The following TMTC2 variants were observed in gnomAD, a reference collection of about 807,000 sequenced individuals.
The protein encoded by TMTC2 is transmembrane O-mannosyltransferase targeting cadherins 2.
TMTC2 carries 43 observed loss-of-function variants against 82.4 expected under a neutral mutation model. That is an observed-to-expected ratio of 0.52 (90% CI 0.41 to 0.67). The LOEUF is 0.67. Among genes scored for constraint, TMTC2 ranks in the 30% least tolerant of loss-of-function variants. The pLI is 0.00. For missense variants in TMTC2, 919 were observed against 1,012.4 expected (o/e 0.91, Z 1.25); for synonymous variants, 408 against 381.9 (o/e 1.07, Z -0.80).
At chr12:82,982,427 T>C (rs1201672119) in intron 7 of TMTC2, among the ~76,000 whole-genome samples, 1 of 131,732 alleles carries the variant, frequency 7.6e-6, no homozygotes, top group Non-Finnish European at 1.6e-5. Context: ...ACATATTTAA[T>C]TTATCCATAA....
chr12:83,015,226 G>A (rs115153945), intron 8 of TMTC2, among the ~76,000 whole-genome samples: 3,378 of 152,254 alleles, frequency 0.022, 132 homozygotes, highest in African/African-American at 0.076. Context: ...ACCCCAATGT[G>A]TACACGAATA....
chr12:82,861,360 A>G (rs1422466503), intron 2 of TMTC2, among the ~76,000 whole-genome samples: 1 of 152,196 alleles, frequency 6.6e-6, no homozygotes, highest in African/African-American at 2.4e-5. Flanking sequence ...TAACAACCCC[A>G]TACTTCCAAA....
chr12:82,805,735 G>A (rs1879215696), intron 1 of TMTC2, among the ~76,000 whole-genome samples: 1 of 151,808 alleles, frequency 6.6e-6, no homozygotes, highest in East Asian at 1.9e-4. Flanking sequence ...TCGATCTCCT[G>A]ACCTTGTGAT....
At chr12:83,011,566 G>A (rs1286727713) in intron 8 of TMTC2, among the ~76,000 whole-genome samples, 1 of 152,138 alleles carries the variant, frequency 6.6e-6, no homozygotes, top group East Asian at 1.9e-4. Flanking sequence ...TACTCGTTCA[G>A]CCTTATCAAC....
At chr12:82,820,686 T>C (rs1372826637) in intron 1 of TMTC2, among the ~76,000 whole-genome samples, 1 of 152,170 alleles carries the variant, frequency 6.6e-6, no homozygotes, top group Non-Finnish European at 1.5e-5. Flanking sequence ...GGAAACTGTA[T>C]TTCTATGTTA....
chr12:82,687,205 C>G lies in TMTC2; in HGVS notation c.-382C>G, dbSNP rs894004709. On this transcript the variant is annotated 5_prime_UTR_variant, in exon 1 of 12. Transcript: ENST00000321196. ...TCTGCCCCCATCCCGCACCCTTCCA[C>G]CTCCTCCGAGTCCCACTCCTCACCT... 1.1e-5 allele frequency: 3 copies of G among 271,542 alleles called. No homozygotes were observed. Among genetic ancestry groups the G allele is most frequent in the Non-Finnish European group, 2.2e-5 (3 of 138,676 alleles). The allele number at this position is 271,542 out of a possible 1,614,324, so 16.8% of individuals were successfully genotyped here.
intron 1 of TMTC2, among the ~76,000 whole-genome samples, chr12:82,698,470 T>C (rs1484851710): frequency 1.3e-5 from 2 of 152,212 alleles, no homozygotes; most frequent in African/African-American, 2.4e-5. Flanking sequence ...CATGGTTATA[T>C]ACTTAGCTGT....
Position 82,857,195 on chromosome 12 carries a change from T to C in TMTC2, c.269T>C (p.Val90Ala). ...TTGAATCCCTGGAGCTACCATCTTGTCAATGTCCTGTTGCATGCAGCAGTC... is the reference window on the plus strand; with the variant it reads ...TTGAATCCCTGGAGCTACCATCTTGCCAATGTCCTGTTGCATGCAGCAGTC... ...GGLNPWSYHLVNVLLHAAVTG... is the reference protein window; with the variant it reads ...GGLNPWSYHLANVLLHAAVTG... Residue 90 changes from valine to alanine, a missense_variant, in exon 2 of 12, where the codon GTC becomes GCC. Transcript: ENST00000321196. 1 of 1,614,164 alleles carries C rather than the reference T, an allele frequency of 6.2e-7. No individual in the cohort carries two copies. The highest frequency in any genetic ancestry group is 8.5e-7 in the Non-Finnish European group (1 of 1,180,036).
intron 4 of TMTC2, among the ~76,000 whole-genome samples, chr12:82,952,680 G>A (rs1877409527): frequency 6.6e-6 from 1 of 152,060 alleles, no homozygotes; most frequent in African/African-American, 2.4e-5. Context: ...CTAGTAGCTG[G>A]AACTACAAGC....
At chr12:82,808,829 G>A (rs187267075) in intron 1 of TMTC2, among the ~76,000 whole-genome samples, 212 of 151,952 alleles carry the variant, frequency 1.4e-3, no homozygotes, top group African/African-American at 5.0e-3. Context: ...ACATTTTAAT[G>A]TATAGATTTT....
chr12:82,812,801 A>G (rs1483181711), intron 1 of TMTC2, among the ~76,000 whole-genome samples: 1 of 151,942 alleles, frequency 6.6e-6, no homozygotes, highest in Admixed American at 6.6e-5. Flanking sequence ...ATAATTAACT[A>G]TTTTTTAATG....
intron 1 of TMTC2, among the ~76,000 whole-genome samples, chr12:82,722,566 CAAAAAAA>C (rs772607761): frequency 2.3e-5 from 1 of 44,396 alleles, no homozygotes; most frequent in African/African-American, 1.0e-4. Flanking sequence ...GACTCCATCT[CAAAAAAA>C]AAAAAAAAAA....
Position 82,713,146 on chromosome 12 carries a change from C to G in TMTC2, c.83+25477C>G, listed in dbSNP as rs909575757. On this transcript the variant is annotated intron_variant, in intron 1 of 11. Coordinates refer to ENST00000321196, the MANE Select transcript of TMTC2 (RefSeq NM_152588.3). ...ACCAGCGTGACCAACATGGTGAAAC[C>G]CCGTCTCTACTAGAAAGACAAAAGA... 2.0e-5 allele frequency among the ~76,000 whole-genome samples: 3 copies of G among 152,038 alleles called. No individual in the cohort carries two copies. In the South Asian group the frequency reaches 6.3e-4, roughly 32 times the overall value.
At chr12:82,742,427 A>G (rs1468591032) in intron 1 of TMTC2, among the ~76,000 whole-genome samples, 3 of 152,106 alleles carry the variant, frequency 2.0e-5, no homozygotes. Flanking sequence ...GTAGCTAGGA[A>G]CAGGTAGTAA....
At chr12:82,869,482 A>G (rs1215726038) in intron 2 of TMTC2, among the ~76,000 whole-genome samples, 6 of 152,128 alleles carry the variant, frequency 3.9e-5, no homozygotes, top group African/African-American at 1.4e-4. Flanking sequence ...AAAAACACCA[A>G]TATTTTTATA....
intron 8 of TMTC2, among the ~76,000 whole-genome samples, chr12:83,020,643 A>G (rs1880875350): frequency 7.0e-6 from 1 of 142,136 alleles, no homozygotes; most frequent in Non-Finnish European, 1.5e-5. Flanking sequence ...TTTTCCCTCT[A>G]CTTTGAGCTT....
At chr12:83,091,069 C>T (rs185232773) in intron 11 of TMTC2, among the ~76,000 whole-genome samples, 3 of 152,288 alleles carry the variant, frequency 2.0e-5, no homozygotes, top group East Asian at 3.9e-4. Flanking sequence ...TCTGTCTAAA[C>T]GTGCTTTGTT....
intron 1 of TMTC2, among the ~76,000 whole-genome samples, chr12:82,821,843 G>A (rs907187493): frequency 6.9e-6 from 1 of 144,300 alleles, no homozygotes; most frequent in East Asian, 2.0e-4. Flanking sequence ...CCGAGATCGC[G>A]CCACTACACT....
chr12:83,006,653 C>T (rs7305627), intron 8 of TMTC2, among the ~76,000 whole-genome samples: 2,422 of 152,262 alleles, frequency 0.016, 79 homozygotes, highest in African/African-American at 0.056. Flanking sequence ...CATGCACACA[C>T]GTATGTTTAT....
Sources: allele counts gnomAD v4.1 joint callset (sites outside exome capture counted in the v4.1 genomes callset), GRCh38; gene constraint gnomAD v4.1.1; transcripts MANE v1.5; gene names NCBI Gene and HGNC (gene_info 2026-07-23, HGNC 2026-07-21).